Variants in BABAM2 observed in about 807,000 individuals in gnomAD.
The protein encoded by BABAM2 is BRISC and BRCA1-A complex member 2.
BABAM2 carries 31 observed loss-of-function variants against 54.7 expected under a neutral mutation model. The ratio of observed to expected loss-of-function variants is 0.57; its 90% CI spans 0.43 to 0.77. BABAM2 has a LOEUF of 0.77. Ranked by LOEUF, BABAM2 falls within the 30% of genes least tolerant of loss-of-function variation. The pLI is 0.00. For synonymous variants in BABAM2, 167 were observed against 162.9 expected, an observed-to-expected ratio of 1.03 and a Z score of -0.19; for missense variants, 364 against 455.8, an observed-to-expected ratio of 0.80 and a Z score of 1.83.
At chr2:27,961,200 A>T (rs1242751082) in intron 3 of BABAM2, among the ~76,000 whole-genome samples, 2 of 152,166 alleles carry the variant, frequency 1.3e-5, no homozygotes, top group African/African-American at 4.8e-5. Flanking sequence ...CAGCTTTGAG[A>T]TGTAGAGAAT....
At chr2:28,240,091 C>A (rs1682273435) in intron 8 of BABAM2, among the ~76,000 whole-genome samples, 1 of 151,192 alleles carries the variant, frequency 6.6e-6, no homozygotes, top group Non-Finnish European at 1.5e-5. Context: ...ACTACTAGCA[C>A]AATTTGTTTT....
intron 6 of BABAM2, among the ~76,000 whole-genome samples, chr2:28,084,542 G>C (rs1265321143): frequency 1.3e-5 from 2 of 152,156 alleles, no homozygotes; most frequent in Non-Finnish European, 2.9e-5. Context: ...AGGGAGGCCA[G>C]GGGCATTGGA....
intron 6 of BABAM2, among the ~76,000 whole-genome samples, chr2:28,074,514 T>C (rs2148663100): frequency 6.6e-6 from 1 of 152,356 alleles, no homozygotes; most frequent in South Asian, 2.1e-4. Flanking sequence ...GACCAGGACT[T>C]ACAAAGCAAA....
At chr2:28,116,115 CAAA>C (rs943748521) in intron 6 of BABAM2, among the ~76,000 whole-genome samples, 1 of 123,636 alleles carries the variant, frequency 8.1e-6, no homozygotes. Context: ...AACTCCGTCT[CAAA>C]AAAAAAAAAA....
chr2:27,994,675 A>G (rs967316608), intron 4 of BABAM2, among the ~76,000 whole-genome samples: 10 of 152,246 alleles, frequency 6.6e-5, no homozygotes, highest in Non-Finnish European at 1.0e-4. Context: ...TTGTATGAGC[A>G]TACCACAGTT....
At chr2:27,908,467 T>C (rs1436675469) in intron 2 of BABAM2, among the ~76,000 whole-genome samples, 1 of 152,114 alleles carries the variant, frequency 6.6e-6, no homozygotes, top group Non-Finnish European at 1.5e-5. Flanking sequence ...GAAATGGGGT[T>C]GCGCCATGTT....
At chr2:27,976,543 AG>A (rs778394388) in intron 3 of BABAM2, among the ~76,000 whole-genome samples, 36 of 152,128 alleles carry the variant, frequency 2.4e-4, no homozygotes, top group Non-Finnish European at 4.0e-4. Context: ...AGAGGTTTCC[AG>A]GAATAAGGAA....
chr2:28,147,115 G>A (rs1481212695), intron 7 of BABAM2, among the ~76,000 whole-genome samples: 1 of 152,166 alleles, frequency 6.6e-6, no homozygotes, highest in Non-Finnish European at 1.5e-5. Flanking sequence ...GTTGCAGAGT[G>A]AAAAGCAGGC....
Position 28,150,240 on chromosome 2 carries a change from C to T in BABAM2, c.680+20860C>T, listed in dbSNP as rs57423953. 4.6e-5 allele frequency among the ~76,000 whole-genome samples: 7 copies of T among 152,266 alleles called. No individual in the cohort carries two copies. In the East Asian group the frequency reaches 1.2e-3, roughly 25 times the overall value. ...TCTGTCTGTAGTTCAGACAAGCTAC[C>T]CTGCAAGTGAAAAGTAGAGGGAATA... On this transcript the variant is annotated intron_variant, in intron 7 of 11. Coordinates refer to ENST00000379624, the MANE Select transcript of BABAM2 (RefSeq NM_199191.3).
At chr2:28,231,368 A>G (rs1681368586) in intron 7 of BABAM2, among the ~76,000 whole-genome samples, 1 of 152,180 alleles carries the variant, frequency 6.6e-6, no homozygotes, top group Non-Finnish European at 1.5e-5. Context: ...TTGGTACCCT[A>G]GTCGTGTGTT....
At chr2:28,129,184 G>T (rs1573639722) in intron 6 of BABAM2, 87 bp from the exon 7 acceptor site, 3 of 1,237,886 alleles carry the variant, frequency 2.4e-6, no homozygotes, top group South Asian at 1.2e-5. Flanking sequence ...CACAGTCATG[G>T]CTTCAATGCC....
intron 3 of BABAM2, among the ~76,000 whole-genome samples, chr2:27,969,941 G>T (rs1671088983): frequency 6.6e-6 from 1 of 152,154 alleles, no homozygotes; most frequent in Non-Finnish European, 1.5e-5. Flanking sequence ...TGACCTCTGG[G>T]TGGGAGGACG....
chr2:28,046,526 G>T (rs1262939906), intron 6 of BABAM2, among the ~76,000 whole-genome samples: 1 of 151,988 alleles, frequency 6.6e-6, no homozygotes, highest in African/African-American at 2.4e-5. Context: ...CCTCTGTGCT[G>T]TATTTGTACT....
chr2:28,060,739 C>T (rs921576014), intron 6 of BABAM2, among the ~76,000 whole-genome samples: 10 of 151,932 alleles, frequency 6.6e-5, no homozygotes, highest in African/African-American at 2.4e-4. Context: ...ATAATAACAT[C>T]AAAATTATGG....
intron 10 of BABAM2, among the ~76,000 whole-genome samples, chr2:28,265,295 C>T (rs551500725): frequency 4.6e-5 from 7 of 152,188 alleles, no homozygotes; most frequent in Non-Finnish European, 1.0e-4. Context: ...GGCATGGTGG[C>T]GCACGCCTGT....
chr2:28,018,117 G>A (rs1291406736), intron 4 of BABAM2, among the ~76,000 whole-genome samples: 1 of 152,142 alleles, frequency 6.6e-6, no homozygotes, highest in South Asian at 2.1e-4. Flanking sequence ...TGTGCCCAAC[G>A]TGTAGTCTTT....
chr2:28,192,806 G>A (rs1305133284), intron 7 of BABAM2, among the ~76,000 whole-genome samples: 1 of 152,006 alleles, frequency 6.6e-6, no homozygotes, highest in Non-Finnish European at 1.5e-5. Context: ...ACAGGTGTGA[G>A]CCACCACGCC....
In BABAM2 at chr2:28,125,883, A is replaced by G. The variant is rs143590480; in HGVS notation, c.571-3388A>G. 5.2e-3 allele frequency among the ~76,000 whole-genome samples: 786 copies of G among 152,344 alleles called. 8 individuals are homozygous for G. The highest frequency in any genetic ancestry group is 8.1e-3 in the Non-Finnish European group (551 of 68,030). ...GCCATGGAATATTATGTGGCTATTT[A>G]AAAAGCAGTTGATAGAGCGATATGA... On this transcript the variant is annotated intron_variant, in intron 6 of 11. Transcript: ENST00000379624.
chr2:27,954,093 C>G (rs1284985702), intron 3 of BABAM2, among the ~76,000 whole-genome samples: 1 of 152,148 alleles, frequency 6.6e-6, no homozygotes, highest in Non-Finnish European at 1.5e-5. Flanking sequence ...GGCACAGAAG[C>G]CTGAGTTTGT....
Sources: gnomAD v4.1 joint callset for allele counts (sites outside exome capture counted in the v4.1 genomes callset) on GRCh38, gnomAD v4.1.1 for gene constraint, MANE v1.5 for transcripts, NCBI Gene and HGNC (gene_info 2026-07-23, HGNC 2026-07-21) for gene names.